The following GLRA1 variants were observed in gnomAD, a reference collection of about 807,000 sequenced individuals.
GLRA1 encodes the protein glycine receptor alpha 1.
Under a neutral mutation model 48.3 loss-of-function variants are expected in GLRA1, and 37 were observed. The ratio of observed to expected loss-of-function variants is 0.77; its 90% CI spans 0.59 to 1.01. The LOEUF (loss-of-function observed/expected upper bound fraction) is 1.01, where lower values mean the gene tolerates loss of function less well. GLRA1 is among the 50% of genes least tolerant of loss of function. GLRA1 has a pLI of 0.00. For missense variants in GLRA1, 427 were observed against 571.0 expected, an observed-to-expected ratio of 0.75 and a Z score of 2.57; for synonymous variants, 196 against 210.7, an observed-to-expected ratio of 0.93 and a Z score of 0.60.
At chr5:151,861,378 T>C (rs889188533) in intron 3 of GLRA1, among the ~76,000 whole-genome samples, 1 of 152,224 alleles carries the variant, frequency 6.6e-6, no homozygotes, top group African/African-American at 2.4e-5. Context: ...CCACATCCTC[T>C]CCAGCACCTG....
intron 3 of GLRA1, among the ~76,000 whole-genome samples, chr5:151,870,988 C>G (rs1167409486): frequency 6.7e-6 from 1 of 149,724 alleles, no homozygotes; most frequent in East Asian, 1.9e-4. Context: ...AGTCAGCCTT[C>G]TGGAATTTGA....
intron 3 of GLRA1, among the ~76,000 whole-genome samples, chr5:151,881,176 C>G (rs1753751222): frequency 6.6e-6 from 1 of 152,206 alleles, no homozygotes; most frequent in Non-Finnish European, 1.5e-5. Context: ...CATAGATGCT[C>G]CAGTGCACAC....
intron 7 of GLRA1, chr5:151,850,116 G>C: frequency 1.2e-6 from 2 of 1,604,232 alleles, no homozygotes; most frequent in Non-Finnish European, 8.5e-7. Context: ...GTACCACTTT[G>C]GTTGGCCTTC....
chr5:151,904,959 A>G (rs1373043353), intron 1 of GLRA1, among the ~76,000 whole-genome samples: 2 of 152,190 alleles, frequency 1.3e-5, no homozygotes, highest in East Asian at 3.8e-4. Context: ...AATCTCAGGT[A>G]GTTCTACTAT....
chr5:151,856,492 T>G, intron 4 of GLRA1, 109 bp from the exon 5 acceptor site: 1 of 730,794 alleles, frequency 1.4e-6, no homozygotes, highest in Non-Finnish European at 2.5e-6. Flanking sequence ...GGAAAGAAGG[T>G]CAGGGAACTT....
chr5:151,840,100 T>G (rs1298449978), intron 7 of GLRA1, among the ~76,000 whole-genome samples: 4 of 47,740 alleles, frequency 8.4e-5, no homozygotes, highest in Non-Finnish European at 9.3e-5. Context: ...GAAAATACTG[T>G]TTTTTTTTTT....
chr5:151,879,150 G>A (rs1375620795), intron 3 of GLRA1, among the ~76,000 whole-genome samples: 8 of 152,230 alleles, frequency 5.3e-5, no homozygotes, highest in Non-Finnish European at 1.0e-4. Context: ...AGTGTGACCT[G>A]CATATGAGAC....
chr5:151,844,233 C>T (rs1364005045), intron 7 of GLRA1, among the ~76,000 whole-genome samples: 2 of 151,548 alleles, frequency 1.3e-5, no homozygotes, highest in African/African-American at 2.4e-5. Flanking sequence ...TCTAAATGTG[C>T]CAAAGACCTA....
chr5:151,924,584 A>G lies in GLRA1; in HGVS notation c.-35T>C, dbSNP rs777041288. On this transcript the variant is annotated 5_prime_UTR_variant, in exon 1 of 9. Transcript: ENST00000274576. ...CCTTGTGCTTTGTAGTCCACGAGTT[A>G]TGGGGGCAAAAATGTTTCAAATTGG... is the stretch of plus-strand genomic sequence containing the variant. 1 of 1,336,812 alleles carries G rather than the reference A, an allele frequency of 7.5e-7. No homozygotes were observed. The highest frequency in any genetic ancestry group is 1.1e-6 in the Non-Finnish European group (1 of 926,528). 82.8% of individuals were successfully genotyped at this position (1,336,812 alleles called of 1,614,324 possible).
intron 7 of GLRA1, among the ~76,000 whole-genome samples, chr5:151,829,288 A>G (rs1206225241): frequency 6.6e-6 from 1 of 152,248 alleles, no homozygotes; most frequent in South Asian, 2.1e-4. Context: ...GGTACCTATG[A>G]CAGTACTGAA....
intron 7 of GLRA1, among the ~76,000 whole-genome samples, chr5:151,847,914 T>G (rs1480025329): frequency 6.6e-6 from 1 of 152,138 alleles, no homozygotes; most frequent in Non-Finnish European, 1.5e-5. Flanking sequence ...AGCATAAGGG[T>G]GAATGGAGCA....
intron 8 of GLRA1, among the ~76,000 whole-genome samples, chr5:151,826,869 C>CT (rs1191249718): frequency 1.3e-5 from 2 of 152,172 alleles, no homozygotes; most frequent in Non-Finnish European, 2.9e-5. Flanking sequence ...ATCAAAGGGG[C>CT]TGGTGCTAGT....
chr5:151,838,952 A>G (rs1423893974), intron 7 of GLRA1, among the ~76,000 whole-genome samples: 1 of 152,140 alleles, frequency 6.6e-6, no homozygotes, highest in African/African-American at 2.4e-5. Flanking sequence ...CTGCTACTGC[A>G]ACCTCCACCT....
At chr5:151,857,691 G>T (rs978034747) in intron 4 of GLRA1, among the ~76,000 whole-genome samples, 10 of 152,192 alleles carry the variant, frequency 6.6e-5, no homozygotes. Flanking sequence ...TATTTTGGTT[G>T]TTCAACCCTG....
At chr5:151,863,161 G>A (rs1452812024) in intron 3 of GLRA1, among the ~76,000 whole-genome samples, 1 of 152,190 alleles carries the variant, frequency 6.6e-6, no homozygotes, top group African/African-American at 2.4e-5. Flanking sequence ...CCAGCATGTT[G>A]GGAGGCCAAG....
chr5:151,884,425 T>C (rs556621046), intron 3 of GLRA1, among the ~76,000 whole-genome samples: 3 of 40,982 alleles, frequency 7.3e-5, no homozygotes, highest in Admixed American at 2.9e-4. Context: ...TGAAACTCTG[T>C]CTCAAAACAA....
chr5:151,858,026 C>G (rs1192060510), intron 4 of GLRA1, among the ~76,000 whole-genome samples: 2 of 152,200 alleles, frequency 1.3e-5, no homozygotes, highest in African/African-American at 4.8e-5. Context: ...GGGGTTGACT[C>G]AGGTGTTTGC....
chr5:151,855,418 C>G (rs1318554175), intron 5 of GLRA1, among the ~76,000 whole-genome samples: 2 of 152,180 alleles, frequency 1.3e-5, no homozygotes, highest in East Asian at 3.8e-4. Context: ...TGTTCCCCCT[C>G]TCACTCCCAT....
chr5:151,848,907 A>G, intron 7 of GLRA1: 1 of 681,546 alleles, frequency 1.5e-6, no homozygotes. Flanking sequence ...GCACATTCCC[A>G]CTTAAACAAA....
Sources: allele counts gnomAD v4.1 joint callset (sites outside exome capture counted in the v4.1 genomes callset), GRCh38; gene constraint gnomAD v4.1.1; transcripts MANE v1.5; gene names NCBI Gene and HGNC (gene_info 2026-07-23, HGNC 2026-07-21).